Variants in BRWD1 observed in about 807,000 individuals in gnomAD.
BRWD1 encodes the protein bromodomain and WD repeat-containing protein 1.
In BRWD1, 82 loss-of-function variants were observed where a neutral mutation model predicts 251.2. The observed-to-expected ratio is 0.33, with a 90% CI of 0.27 to 0.39. The LOEUF is 0.39. Ranked by LOEUF, BRWD1 falls within the 10% of genes least tolerant of loss-of-function variation. The pLI, the probability that BRWD1 is intolerant of heterozygous loss-of-function variation, is 1.00. For missense variants in BRWD1, 2,233 were observed against 2,711.6 expected, an observed-to-expected ratio of 0.82 and a Z score of 3.92; for synonymous variants, 918 against 902.8, an observed-to-expected ratio of 1.02 and a Z score of -0.30.
chr21:39,303,857 A>G (rs909423041), intron 4 of BRWD1, among the ~76,000 whole-genome samples: 1 of 151,786 alleles, frequency 6.6e-6, no homozygotes, highest in Non-Finnish European at 1.5e-5. Context: ...AATACAGAGT[A>G]GTTGCCAGGC....
At chr21:39,202,754 A>C (rs974343387) in intron 37 of BRWD1, among the ~76,000 whole-genome samples, 1 of 152,240 alleles carries the variant, frequency 6.6e-6, no homozygotes, top group African/African-American at 2.4e-5. Flanking sequence ...ACTGTTATTC[A>C]AATTTGGAGT....
chr21:39,254,138 TGCCTGTAGTCCCA>T (rs2034487058), intron 19 of BRWD1, among the ~76,000 whole-genome samples: 1 of 152,118 alleles, frequency 6.6e-6, no homozygotes, highest in Non-Finnish European at 1.5e-5. Flanking sequence ...TGGTGGCGCA[TGCCTGTAGTCCCA>T]GCTACTCGGG....
intron 37 of BRWD1, among the ~76,000 whole-genome samples, chr21:39,204,679 G>C (rs1213930705): frequency 6.6e-6 from 1 of 152,168 alleles, no homozygotes. Flanking sequence ...CGGTTTTGTG[G>C]AAGACAGTTT....
At chr21:39,275,985 T>C (rs552308903) in intron 12 of BRWD1, among the ~76,000 whole-genome samples, 188 bp downstream of exon 12, 2 of 152,084 alleles carry the variant, frequency 1.3e-5, no homozygotes, top group Non-Finnish European at 2.9e-5. Context: ...TGAGCCGAGA[T>C]TGTGCCACTG....
At chr21:39,308,055 T>C (rs1601510504) in intron 4 of BRWD1, among the ~76,000 whole-genome samples, 3 of 152,122 alleles carry the variant, frequency 2.0e-5, no homozygotes, top group Non-Finnish European at 4.4e-5. Context: ...TTGTAAACTT[T>C]TTTTCTACAG....
intron 5 of BRWD1, 31 bp downstream of exon 5, chr21:39,298,401 C>T: frequency 6.5e-7 from 1 of 1,536,046 alleles, no homozygotes; most frequent in Non-Finnish European, 8.7e-7. Flanking sequence ...GCTATTAATA[C>T]AAAGCAGAAC....
At chr21:39,206,981 G>A (rs1250052950) in intron 36 of BRWD1, among the ~76,000 whole-genome samples, 2 of 152,290 alleles carry the variant, frequency 1.3e-5, no homozygotes, top group East Asian at 3.9e-4. Flanking sequence ...GGATGGCGAA[G>A]ACACTCCAAT....
chr21:39,215,736 G>T (rs1208254708), intron 31 of BRWD1, among the ~76,000 whole-genome samples: 1 of 152,130 alleles, frequency 6.6e-6, no homozygotes, highest in Admixed American at 6.5e-5. Flanking sequence ...GATTACACCT[G>T]TAATCCCAGC....
intron 10 of BRWD1, among the ~76,000 whole-genome samples, chr21:39,278,054 G>T (rs1376736534): frequency 2.0e-5 from 3 of 151,826 alleles, no homozygotes; most frequent in East Asian, 1.9e-4. Flanking sequence ...TCCCTATGTT[G>T]CCAGGGCTGG....
At chr21:39,312,977 GCGGC>G (rs1568986273) in intron 3 of BRWD1, 77 bp from the exon 4 acceptor site, 2 of 459,512 alleles carry the variant, frequency 4.4e-6, no homozygotes, top group Non-Finnish European at 5.5e-6. Context: ...CCGGGGGCGG[GCGGC>G]GGGCGGCGGG....
chr21:39,274,529 C>CAA, intron 12 of BRWD1, 57 bp from the exon 13 acceptor site: 1 of 1,298,886 alleles, frequency 7.7e-7, no homozygotes, highest in Non-Finnish European at 1.1e-6. Flanking sequence ...ACAAGGGCTA[C>CAA]AATTAAAATC....
chr21:39,260,243 C>T (rs530904191), intron 17 of BRWD1, among the ~76,000 whole-genome samples: 2 of 151,400 alleles, frequency 1.3e-5, no homozygotes, highest in East Asian at 1.9e-4. Flanking sequence ...AAAGGGAAAA[C>T]GGCAAAGAAG....
chr21:39,319,540 G>A (rs1026839099), intron 1 of BRWD1, among the ~76,000 whole-genome samples: 3 of 152,154 alleles, frequency 2.0e-5, no homozygotes, highest in African/African-American at 4.8e-5. Context: ...TTTTCTGTTC[G>A]TTTTGTTTAA....
At chr21:39,255,956 T>C (rs1369033115) in intron 18 of BRWD1, 128 bp from the exon 19 acceptor site, 19 of 843,004 alleles carry the variant, frequency 2.3e-5, no homozygotes, top group Middle Eastern at 2.6e-4. Context: ...TAGTATCTAC[T>C]GAAAAAACTT....
Position 39,199,006 on chromosome 21 carries a change from T to C in BRWD1, c.5410A>G (p.Asn1804Asp). Reference protein sequence around the residue: ...EPGRSGGRKYNTFHKNASFFK... With the variant: ...EPGRSGGRKYDTFHKNASFFK... ...AAACTCGCATTCTTGTGAAATGTATTGTATTTCCTACCACCAGATCTTCCT... is the reference window on the plus strand; with the variant it reads ...AAACTCGCATTCTTGTGAAATGTATCGTATTTCCTACCACCAGATCTTCCT... Residue 1804 changes from asparagine to aspartate, a missense_variant, in exon 40 of 41, where the codon AAT becomes GAT. Physicochemically the swap from Asn to Asp is conservative, Grantham distance 23 (BLOSUM62 1). Transcript: ENST00000342449. The C allele has an allele frequency of 6.2e-7, 1 of 1,614,166 alleles. No homozygotes were observed. The highest frequency in any genetic ancestry group is 1.1e-5 in the South Asian group (1 of 91,078).
At chr21:39,211,533 A>T (rs1181765056) in intron 34 of BRWD1, among the ~76,000 whole-genome samples, 1 of 152,192 alleles carries the variant, frequency 6.6e-6, no homozygotes, top group East Asian at 1.9e-4. Flanking sequence ...GAGGACACCC[A>T]CTAGAAGCTG....
At chr21:39,273,311 TATATA>T (rs1278686959) in intron 13 of BRWD1, among the ~76,000 whole-genome samples, 3 of 152,210 alleles carry the variant, frequency 2.0e-5, no homozygotes, top group Non-Finnish European at 2.9e-5. Flanking sequence ...AACATTTTTA[TATATA>T]ATAAAGATTT....
chr21:39,203,547 C>G (rs1311837705), intron 37 of BRWD1, among the ~76,000 whole-genome samples: 1 of 146,640 alleles, frequency 6.8e-6, no homozygotes, highest in Non-Finnish European at 1.5e-5. Flanking sequence ...GCTGGGACTA[C>G]AGGCGCCCAC....
At position 39,191,669 on chromosome 21, in the gene BRWD1, C is replaced by CT. The variant is rs1433899788; in HGVS notation, c.*4589dup. 8.7e-5 allele frequency: 86 copies of CT among 984,086 alleles called. No homozygotes were observed. The South Asian group carries it at 3.6e-3, about 41-fold the overall frequency. The allele number at this position is 984,086 out of a possible 1,614,324, so 61.0% of individuals were successfully genotyped here. A position where few individuals can be genotyped will look rare whatever the true frequency, so the allele number is the denominator to read the frequency against. On this transcript the variant is annotated 3_prime_UTR_variant, in exon 41 of 41. Coordinates refer to ENST00000342449, the MANE Select transcript of BRWD1 (RefSeq NM_033656.4). ...TATCAAAAATTAAAGATCCCTTTAA[C>CT]TTTTACCCACTGATCAAAAAAGGTA... is the stretch of plus-strand genomic sequence containing the variant.
Sources: allele counts gnomAD v4.1 joint callset (sites outside exome capture counted in the v4.1 genomes callset), GRCh38; gene constraint gnomAD v4.1.1; transcripts MANE v1.5; gene names NCBI Gene and HGNC (gene_info 2026-07-23, HGNC 2026-07-21).